MAGI1: variants seen among roughly 807,000 people sequenced by gnomAD.
MAGI1 encodes membrane associated guanylate kinase, WW and PDZ domain containing 1.
A neutral mutation model predicts 139.9 loss-of-function variants in MAGI1; 58 were observed. The ratio of observed to expected loss-of-function variants is 0.41; its 90% CI spans 0.34 to 0.52. The LOEUF is 0.52. Among genes scored for constraint, MAGI1 ranks in the 20% least tolerant of loss-of-function variants. The pLI is 0.12. For missense variants in MAGI1, 1,874 were observed against 1,901.6 expected (o/e 0.99, Z 0.27); for synonymous variants, 812 against 737.9 (o/e 1.10, Z -1.63).
At chr3:65,571,297 T>C (rs1024841996) in intron 2 of MAGI1, among the ~76,000 whole-genome samples, 6 of 152,194 alleles carry the variant, frequency 3.9e-5, no homozygotes, top group African/African-American at 1.4e-4. Context: ...TACAAATATA[T>C]GATACAAATT....
chr3:65,989,638 A>G (rs190010147), intron 1 of MAGI1, among the ~76,000 whole-genome samples: 2 of 152,278 alleles, frequency 1.3e-5, no homozygotes, highest in African/African-American at 4.8e-5. Flanking sequence ...CCTGGGTTCA[A>G]GTGATCCTCC....
chr3:65,652,127 C>T (rs1160355823), intron 1 of MAGI1, among the ~76,000 whole-genome samples: 1 of 152,132 alleles, frequency 6.6e-6, no homozygotes, highest in Non-Finnish European at 1.5e-5. Context: ...CGTGTCTAGA[C>T]TAGTCACGCC....
At chr3:65,876,538 A>C (rs1416471737) in intron 1 of MAGI1, among the ~76,000 whole-genome samples, 1 of 152,184 alleles carries the variant, frequency 6.6e-6, no homozygotes, top group Non-Finnish European at 1.5e-5. Context: ...GATAATACCT[A>C]AAATTGAAAT....
chr3:65,734,059 AAAG>A lies in MAGI1; in HGVS notation c.314-111974_314-111972del, dbSNP rs375917339. Among the ~76,000 whole-genome samples the A allele has an allele frequency of 7.2e-5, 11 of 152,298 alleles. No homozygotes were observed. In the East Asian group the frequency reaches 1.7e-3, roughly 24 times the overall value. On this transcript the variant is annotated intron_variant, in intron 1 of 22. Transcript: ENST00000402939. ...TCTGAGGTCCATTTATCTTTCTCAA[AAAG>A]AAGAACATCGTCTCAGTCGATTTTT... is the stretch of plus-strand genomic sequence containing the variant.
intron 1 of MAGI1, among the ~76,000 whole-genome samples, chr3:65,906,459 G>A (rs991212753): frequency 3.9e-5 from 6 of 152,212 alleles, no homozygotes; most frequent in Admixed American, 6.5e-5. Flanking sequence ...TTTCCCAGGG[G>A]ATATCACCCC....
At chr3:65,636,310 A>T (rs866004938) in intron 1 of MAGI1, among the ~76,000 whole-genome samples, 90 of 152,292 alleles carry the variant, frequency 5.9e-4, no homozygotes, top group South Asian at 4.1e-4. Context: ...GCTCTTATTT[A>T]AAAAATATTT....
chr3:65,885,208 G>C (rs1452665349), intron 1 of MAGI1, among the ~76,000 whole-genome samples: 1 of 151,998 alleles, frequency 6.6e-6, no homozygotes, highest in Non-Finnish European at 1.5e-5. Context: ...AGACCAGCCT[G>C]GCTAACACAG....
At chr3:65,527,580 C>A (rs192096390) in intron 2 of MAGI1, among the ~76,000 whole-genome samples, 40 of 152,170 alleles carry the variant, frequency 2.6e-4, no homozygotes, top group South Asian at 8.3e-4. Flanking sequence ...AAAACATTAA[C>A]TAGGTGTGGT....
At chr3:65,854,559 T>C (rs988910195) in intron 1 of MAGI1, among the ~76,000 whole-genome samples, 4 of 152,238 alleles carry the variant, frequency 2.6e-5, no homozygotes, top group Non-Finnish European at 5.9e-5. Context: ...CCACCTTTTC[T>C]GAAAAATGGA....
intron 1 of MAGI1, among the ~76,000 whole-genome samples, chr3:65,919,187 C>CT (rs1311696710): frequency 1.3e-5 from 2 of 152,162 alleles, no homozygotes; most frequent in Non-Finnish European, 2.9e-5. Flanking sequence ...AGCTTTCCCC[C>CT]CAGGAGACAA....
intron 18 of MAGI1, among the ~76,000 whole-genome samples, chr3:65,368,651 G>A (rs529276001): frequency 4.7e-4 from 71 of 152,296 alleles, no homozygotes; most frequent in African/African-American, 1.5e-3. Context: ...GGATAAACAC[G>A]TATGTAATAA....
chr3:65,409,585 G>A (rs1945615449), intron 12 of MAGI1, among the ~76,000 whole-genome samples: 1 of 151,728 alleles, frequency 6.6e-6, no homozygotes, highest in African/African-American at 2.4e-5. Context: ...TCACAAAATT[G>A]AATCCATAAA....
At chr3:65,928,523 C>G (rs2062635716) in intron 1 of MAGI1, among the ~76,000 whole-genome samples, 1 of 152,076 alleles carries the variant, frequency 6.6e-6, no homozygotes, top group Admixed American at 6.5e-5. Context: ...CTCAACTGCT[C>G]TATGAGGGCA....
intron 1 of MAGI1, among the ~76,000 whole-genome samples, chr3:65,926,074 C>G (rs1320763954): frequency 3.3e-5 from 5 of 152,214 alleles, no homozygotes; most frequent in African/African-American, 1.2e-4. Flanking sequence ...TACTAAGTAC[C>G]TTACTCAAGA....
rs533496096 is a variant in MAGI1, at chr3:65,925,958, G to A, written c.313+112038C>T. On this transcript the variant is annotated intron_variant, in intron 1 of 22. Coordinates refer to ENST00000402939, the MANE Select transcript of MAGI1 (RefSeq NM_001033057.2). The stretch of plus-strand genomic sequence containing the variant: ...CTCCCAAAGTGCTAGGATTACAGGC[G>A]TGAGCCACTGCACCTGGCCATATGT... Among the ~76,000 whole-genome samples the A allele has an allele frequency of 6.6e-5, 10 of 152,280 alleles. No homozygotes were observed. In the East Asian group the frequency reaches 7.7e-4, roughly 12 times the overall value.
chr3:65,951,391 T>A (rs1215396915), intron 1 of MAGI1, among the ~76,000 whole-genome samples: 1 of 152,244 alleles, frequency 6.6e-6, no homozygotes, highest in African/African-American at 2.4e-5. Context: ...CACCTGAATC[T>A]ACTTTTTCAG....
At chr3:65,818,222 T>G (rs1340400892) in intron 1 of MAGI1, among the ~76,000 whole-genome samples, 3 of 152,222 alleles carry the variant, frequency 2.0e-5, no homozygotes, top group Non-Finnish European at 4.4e-5. Flanking sequence ...ACATACATTT[T>G]TCTACCAAGC....
Position 65,753,144 on chromosome 3 carries a change from G to A in MAGI1, c.314-131056C>T, listed in dbSNP as rs571834852. On this transcript the variant is annotated intron_variant, in intron 1 of 22. Coordinates refer to ENST00000402939, the MANE Select transcript of MAGI1 (RefSeq NM_001033057.2). ...TGCAACACCAAAGATGGCAGAGACCGAGATGAGAAAATCTGGGAAGATCTG... is the reference window on the plus strand; with the variant it reads ...TGCAACACCAAAGATGGCAGAGACCAAGATGAGAAAATCTGGGAAGATCTG... Among the ~76,000 whole-genome samples the A allele has an allele frequency of 3.3e-5, 5 of 152,270 alleles. 1 individual carries two copies. The highest frequency in any genetic ancestry group is 9.6e-5 in the African/African-American group (4 of 41,562).
chr3:65,593,409 A>G lies in MAGI1; in HGVS notation c.430+28563T>C, dbSNP rs577693637. 8.9e-5 allele frequency among the ~76,000 whole-genome samples: 10 copies of G among 111,970 alleles called. 1 individual carries two copies. The South Asian group carries it at 2.3e-3, about 26-fold the overall frequency. The allele number at this position is 111,970 out of a possible 152,430, so 73.5% of individuals were successfully genotyped here. A position where few individuals can be genotyped will look rare whatever the true frequency, so the allele number is the denominator to read the frequency against. On this transcript the variant is annotated intron_variant, in intron 2 of 22. Coordinates refer to ENST00000402939, the MANE Select transcript of MAGI1 (RefSeq NM_001033057.2). ...TAGTAGATTGTGAAGGATGGGGGGG[A>G]AAGGAGATTCTTTAATCAGGCGAGC...
Sources: allele counts gnomAD v4.1 joint callset (sites outside exome capture counted in the v4.1 genomes callset), GRCh38; gene constraint gnomAD v4.1.1; transcripts MANE v1.5; gene names NCBI Gene and HGNC (gene_info 2026-07-23, HGNC 2026-07-21).